CMSS1: variants seen among roughly 807,000 people sequenced by gnomAD.
CMSS1 encodes the protein protein CMSS1.
CMSS1 carries 33 observed loss-of-function variants against 43.5 expected under a neutral mutation model. The ratio of observed to expected loss-of-function variants is 0.76; its 90% CI spans 0.57 to 1.01. The LOEUF (loss-of-function observed/expected upper bound fraction) is 1.01. Among genes scored for constraint, CMSS1 ranks in the 50% least tolerant of loss-of-function variants. The pLI is 0.00. For synonymous variants in CMSS1, 115 were observed against 117.2 expected (o/e 0.98, Z 0.12); for missense variants, 313 against 326.4 (o/e 0.96, Z 0.32).
At chr3:99,898,429 A>G (rs1433896952) in intron 1 of CMSS1, 1 of 152,206 alleles carries the variant, frequency 6.6e-6, no homozygotes, top group Non-Finnish European at 1.5e-5. Context: ...TGTGGTGACA[A>G]ATTTCCATCT....
At chr3:100,136,796 T>C (rs368085307) in intron 1 of CMSS1, among the ~76,000 whole-genome samples, 1 of 152,246 alleles carries the variant, frequency 6.6e-6, no homozygotes, top group African/African-American at 2.4e-5. Context: ...TATTTGATCA[T>C]GTGGCCTAAT....
chr3:99,867,353 C>A (rs1944571085), intron 1 of CMSS1, among the ~76,000 whole-genome samples: 1 of 152,106 alleles, frequency 6.6e-6, no homozygotes, highest in Non-Finnish European at 1.5e-5. Context: ...TTTGCCCTGA[C>A]CATATCTTAC....
chr3:99,850,357 T>C, intron 1 of CMSS1: 3 of 1,612,970 alleles, frequency 1.9e-6, no homozygotes, highest in Non-Finnish European at 2.5e-6. Context: ...AGAGTAGCAT[T>C]CTTGTTTGCT....
chr3:100,020,357 G>A (rs2064785846), intron 1 of CMSS1, among the ~76,000 whole-genome samples: 1 of 152,186 alleles, frequency 6.6e-6, no homozygotes, highest in South Asian at 2.1e-4. Context: ...ACCAGAAGTT[G>A]CAAGTTCCCC....
At chr3:100,062,346 C>T (rs1380760757) in intron 1 of CMSS1, among the ~76,000 whole-genome samples, 2 of 151,870 alleles carry the variant, frequency 1.3e-5, no homozygotes, top group South Asian at 2.1e-4. Flanking sequence ...CTCCTGACCT[C>T]GCGATCCACC....
chr3:99,828,728 T>G (rs901033077), intron 1 of CMSS1, among the ~76,000 whole-genome samples: 16 of 151,688 alleles, frequency 1.1e-4, no homozygotes, highest in African/African-American at 3.9e-4. Flanking sequence ...AGTGCTGGGG[T>G]TACTGGCGTG....
intron 2 of CMSS1, among the ~76,000 whole-genome samples, chr3:100,154,113 G>A (rs910862541): frequency 6.6e-6 from 1 of 152,140 alleles, no homozygotes; most frequent in Non-Finnish European, 1.5e-5. Context: ...GCCTCCCAAA[G>A]TGCTGGGATT....
chr3:99,885,966 C>T (rs565958243), intron 1 of CMSS1, among the ~76,000 whole-genome samples: 155 of 152,320 alleles, frequency 1.0e-3, no homozygotes, highest in Admixed American at 2.2e-3. Flanking sequence ...ACTCTTTGTG[C>T]ATGAGGATAT....
chr3:100,098,882 A>G (rs1232101770), intron 1 of CMSS1, among the ~76,000 whole-genome samples: 1 of 152,164 alleles, frequency 6.6e-6, no homozygotes, highest in Non-Finnish European at 1.5e-5. Flanking sequence ...GATAAGAAAT[A>G]TTTTTGATTC....
At chr3:100,051,715 A>G (rs1175195670) in intron 1 of CMSS1, among the ~76,000 whole-genome samples, 1 of 151,440 alleles carries the variant, frequency 6.6e-6, no homozygotes, top group Non-Finnish European at 1.5e-5. Flanking sequence ...ATAGTATTCC[A>G]TGGTGTACAT....
rs900698224 is a variant in CMSS1 at position 100,181,299 on chromosome 3, T to A, written c.*2911T>A. Reference sequence around the variant, plus strand: ...TTACAGCTGTCTTATTAACTTTTTTTTAAAAACTTTCTATTTTGAAACTTC... The same window carrying A: ...TTACAGCTGTCTTATTAACTTTTTTATAAAAACTTTCTATTTTGAAACTTC... On this transcript the variant is annotated 3_prime_UTR_variant, in exon 10 of 10. Transcript: ENST00000421999. 2.6e-5 allele frequency: 4 copies of A among 152,248 alleles called. No individual in the cohort carries two copies. The allele number at this position is 152,248 out of a possible 1,614,324, so 9.4% of individuals were successfully genotyped here. A position where few individuals can be genotyped will look rare whatever the true frequency, so the allele number is the denominator to read the frequency against.
chr3:100,151,116 A>G (rs1236401874), intron 2 of CMSS1, among the ~76,000 whole-genome samples: 1 of 151,952 alleles, frequency 6.6e-6, no homozygotes, highest in African/African-American at 2.4e-5. Flanking sequence ...GTCATTTCAT[A>G]TTTCTTCCAC....
intron 1 of CMSS1, among the ~76,000 whole-genome samples, chr3:100,020,544 G>GT (rs2064792403): frequency 6.6e-6 from 1 of 152,116 alleles, no homozygotes; most frequent in Non-Finnish European, 1.5e-5. Flanking sequence ...TGGCCATTCT[G>GT]TTTTGAGGAC....
intron 1 of CMSS1, among the ~76,000 whole-genome samples, chr3:99,880,616 T>G (rs1029751129): frequency 6.6e-6 from 1 of 152,202 alleles, no homozygotes; most frequent in African/African-American, 2.4e-5. Context: ...CCTTTGTTAT[T>G]AAAACATTAA....
intron 1 of CMSS1, among the ~76,000 whole-genome samples, chr3:100,099,539 A>G (rs1470464381): frequency 1.3e-5 from 2 of 152,166 alleles, no homozygotes; most frequent in African/African-American, 4.8e-5. Flanking sequence ...CTAATTATGT[A>G]TCCTTAACTA....
chr3:100,115,586 TC>T (rs1394911808), intron 1 of CMSS1, among the ~76,000 whole-genome samples: 3 of 44,548 alleles, frequency 6.7e-5, no homozygotes, highest in African/African-American at 2.9e-4. Context: ...TCTCTCTCTC[TC>T]TCTCTCTCTC....
chr3:99,986,113 TAA>T (rs1263009461), intron 1 of CMSS1, among the ~76,000 whole-genome samples: 1 of 152,198 alleles, frequency 6.6e-6, no homozygotes, highest in African/African-American at 2.4e-5. Flanking sequence ...TTCATTGTTA[TAA>T]GAGGAAAAAA....
intron 1 of CMSS1, among the ~76,000 whole-genome samples, chr3:100,143,744 C>CT (rs2066823722): frequency 6.6e-6 from 1 of 152,160 alleles, no homozygotes; most frequent in African/African-American, 2.4e-5. Flanking sequence ...GGAGAGCCTG[C>CT]TGTTTGGTGC....
At chr3:99,944,257 A>G (rs1707939357) in intron 1 of CMSS1, among the ~76,000 whole-genome samples, 1 of 152,200 alleles carries the variant, frequency 6.6e-6, no homozygotes, top group Non-Finnish European at 1.5e-5. Flanking sequence ...GGATTTGGCC[A>G]AGAACCAGTG....
Sources: allele counts gnomAD v4.1 joint callset (sites outside exome capture counted in the v4.1 genomes callset), GRCh38; gene constraint gnomAD v4.1.1; transcripts MANE v1.5; gene names NCBI Gene and HGNC (gene_info 2026-07-23, HGNC 2026-07-21).